SPTBN1: variants seen among roughly 807,000 people sequenced by gnomAD.
The protein encoded by SPTBN1 is spectrin beta chain, non-erythrocytic 1.
A neutral mutation model predicts 266.4 loss-of-function variants in SPTBN1; 32 were observed. That is an observed-to-expected ratio of 0.12 (90% CI 0.09 to 0.16). SPTBN1 has a LOEUF of 0.16. Among genes scored for constraint, SPTBN1 ranks in the 10% least tolerant of loss-of-function variants. The pLI, the probability that SPTBN1 is intolerant of heterozygous loss-of-function variation, is 1.00. For missense variants in SPTBN1, 2,296 were observed against 3,067.1 expected (o/e 0.75, Z 5.94); for synonymous variants, 1,336 against 1,162.2 (o/e 1.15, Z -3.04).
chr2:54,609,688 A>C (rs1677086249), intron 3 of SPTBN1, among the ~76,000 whole-genome samples: 1 of 152,008 alleles, frequency 6.6e-6, no homozygotes, highest in Non-Finnish European at 1.5e-5. Flanking sequence ...TTCAGTGTTG[A>C]ACTCATGGGG....
At chr2:54,557,860 C>G (rs1672980474) in intron 2 of SPTBN1, 2 of 985,316 alleles carry the variant, frequency 2.0e-6, no homozygotes, top group African/African-American at 3.5e-5. Flanking sequence ...CTGCACAGCG[C>G]CCTGAGAGTG....
At chr2:54,617,979 T>A (rs951663179) in intron 6 of SPTBN1, 99 bp from the exon 7 acceptor site, 5 of 923,018 alleles carry the variant, frequency 5.4e-6, no homozygotes, top group Non-Finnish European at 8.4e-6. Flanking sequence ...ACTCCACTAA[T>A]TGGTGATTTT....
At chr2:54,648,927 C>G in intron 24 of SPTBN1, 59 bp from the exon 25 acceptor site, 1 of 1,466,896 alleles carries the variant, frequency 6.8e-7, no homozygotes, top group South Asian at 1.3e-5. Flanking sequence ...TTGTTTTTCC[C>G]CTGAAGAAAC....
chr2:54,518,626 C>T (rs76655402), intron 1 of SPTBN1, among the ~76,000 whole-genome samples: 1 of 152,220 alleles, frequency 6.6e-6, no homozygotes, highest in East Asian at 1.9e-4. Context: ...TACACTTTTT[C>T]AAGTCTTTTA....
At chr2:54,580,924 C>G (rs187409570) in intron 2 of SPTBN1, among the ~76,000 whole-genome samples, 14 of 151,800 alleles carry the variant, frequency 9.2e-5, no homozygotes, top group Middle Eastern at 6.8e-3. Context: ...ATGTTGAAAC[C>G]CTGTCTCTAC....
At chr2:54,466,310 G>A (rs1399368635) in intron 1 of SPTBN1, among the ~76,000 whole-genome samples, 1 of 152,100 alleles carries the variant, frequency 6.6e-6, no homozygotes, top group Non-Finnish European at 1.5e-5. Flanking sequence ...TTCCTTTGAG[G>A]TATGTATTTT....
At chr2:54,577,154 C>G (rs1006707695) in intron 2 of SPTBN1, among the ~76,000 whole-genome samples, 9 of 152,234 alleles carry the variant, frequency 5.9e-5, no homozygotes, top group African/African-American at 2.2e-4. Flanking sequence ...GGCACAGGTC[C>G]CGGGAATCAG....
Position 54,558,783 on chromosome 2 carries a change from A to G in SPTBN1, c.148+32217A>G. On this transcript the variant is annotated intron_variant, in intron 2 of 35. Coordinates refer to ENST00000356805, the MANE Select transcript of SPTBN1 (RefSeq NM_003128.3). This position sits in a 1 kb window ranked among gnomAD's most constrained non-coding sequence, Gnocchi z 4.6. ...CGGGGCGTTACGCCGGGCATAATGG[A>G]ATTGCAGAGGACGTCTAGTATCTCC... 6.2e-7 allele frequency: 1 copy of G among 1,612,928 alleles called. No individual in the cohort carries two copies. Among genetic ancestry groups the G allele is most frequent in the Non-Finnish European group, 8.5e-7 (1 of 1,179,358 alleles).
intron 2 of SPTBN1, among the ~76,000 whole-genome samples, chr2:54,587,114 T>C (rs1573473763): frequency 6.6e-6 from 1 of 152,188 alleles, no homozygotes; most frequent in East Asian, 1.9e-4. Flanking sequence ...TTTGTGTATA[T>C]TGCATGAAAT....
chr2:54,609,241 C>G (rs1573521495), intron 3 of SPTBN1, among the ~76,000 whole-genome samples: 1 of 152,210 alleles, frequency 6.6e-6, no homozygotes, highest in African/African-American at 2.4e-5. Context: ...TCATTTTCAT[C>G]AAGTCGTCTT....
intron 26 of SPTBN1, among the ~76,000 whole-genome samples, chr2:54,650,647 T>C (rs566843215): frequency 6.6e-6 from 1 of 152,362 alleles, no homozygotes; most frequent in Admixed American, 6.5e-5. Flanking sequence ...TCAAGGGTTC[T>C]TGTTGTTAAG....
intron 28 of SPTBN1, among the ~76,000 whole-genome samples, 180 bp from the exon 29 acceptor site, chr2:54,655,734 G>A (rs1439219875): frequency 6.6e-6 from 1 of 152,244 alleles, no homozygotes; most frequent in Non-Finnish European, 1.5e-5. Flanking sequence ...CCTTCTGGAA[G>A]GAGCAGTGCT....
At chr2:54,625,515 T>G (rs1173982950) in intron 11 of SPTBN1, among the ~76,000 whole-genome samples, 2 of 151,402 alleles carry the variant, frequency 1.3e-5, no homozygotes, top group Non-Finnish European at 2.9e-5. Flanking sequence ...GGGATTAATG[T>G]GTGCTCAAGA....
chr2:54,467,441 C>A (rs1211655709), intron 1 of SPTBN1, among the ~76,000 whole-genome samples: 1 of 152,230 alleles, frequency 6.6e-6, no homozygotes. Flanking sequence ...ATCCCCCAGG[C>A]TGGAGTGCGA....
At chr2:54,547,603 A>G (rs1672323412) in intron 2 of SPTBN1, among the ~76,000 whole-genome samples, 2 of 152,222 alleles carry the variant, frequency 1.3e-5, no homozygotes, top group South Asian at 4.1e-4. Context: ...CAATTTCTCC[A>G]TATCCTTTAC....
In SPTBN1 at chr2:54,612,172, C is replaced by G. The variant is rs773104763; in HGVS notation, c.312C>G (p.Thr104=). 1 of 1,603,326 alleles carries G rather than the reference C, an allele frequency of 6.2e-7. No individual in the cohort carries two copies. The highest frequency in any genetic ancestry group is 1.1e-5 in the South Asian group (1 of 89,794). The change falls in exon 4 of 36, where the codon ACC becomes ACG. Residue 104 remains threonine (T), a synonymous_variant. Transcript: ENST00000356805. The part of the protein sequence containing the change: ...VLSGERLPKP[T]KGRMRIHCLE... ...TCTCCTGTTTCTAGCCTAAACCCAC[C>G]AAGGGACGAATGCGCATCCACTGCT...
intron 2 of SPTBN1, among the ~76,000 whole-genome samples, chr2:54,538,904 T>TA (rs1293172494): frequency 3.3e-5 from 5 of 152,206 alleles, no homozygotes; most frequent in African/African-American, 1.2e-4. Flanking sequence ...TTCCCTGTGT[T>TA]ACATGTTTAC....
chr2:54,659,694 C>A (rs976876007), intron 31 of SPTBN1, among the ~76,000 whole-genome samples: 3 of 152,172 alleles, frequency 2.0e-5, no homozygotes, highest in African/African-American at 7.2e-5. Flanking sequence ...GTAAGAGTTC[C>A]ATGGCAACCT....
chr2:54,543,087 A>C (rs1672028881), intron 2 of SPTBN1, among the ~76,000 whole-genome samples: 1 of 152,130 alleles, frequency 6.6e-6, no homozygotes, highest in African/African-American at 2.4e-5. Context: ...GTTTGGATTC[A>C]GCTATCCAGG....
Sources: gnomAD v4.1 joint callset for allele counts (sites outside exome capture counted in the v4.1 genomes callset) on GRCh38, gnomAD v4.1.1 for gene constraint, Gnocchi (gnomAD v3.1) non-coding constraint, MANE v1.5 for transcripts, NCBI Gene and HGNC (gene_info 2026-07-23, HGNC 2026-07-21) for gene names.